GMDS: variants seen among roughly 807,000 people sequenced by gnomAD.
GMDS encodes the protein GDP-mannose 4,6 dehydratase.
In GMDS, 20 loss-of-function variants were observed where a neutral mutation model predicts 49.9. The ratio of observed to expected loss-of-function variants is 0.40; its 90% CI spans 0.28 to 0.58. GMDS has a LOEUF of 0.58. Among genes scored for constraint, GMDS ranks in the 20% least tolerant of loss-of-function variants. The pLI, the probability that GMDS is intolerant of heterozygous loss-of-function variation, is 0.42. For synonymous variants in GMDS, 177 were observed against 178.6 expected (o/e 0.99, Z 0.07); for missense variants, 362 against 481.4 (o/e 0.75, Z 2.32).
chr6:1,883,848 A>G (rs986353279), intron 7 of GMDS, among the ~76,000 whole-genome samples: 1 of 152,236 alleles, frequency 6.6e-6, no homozygotes, highest in African/African-American at 2.4e-5. Context: ...TTGTTTCAGT[A>G]TTAACCAAAT....
At chr6:2,179,917 T>C (rs942339129) in intron 1 of GMDS, among the ~76,000 whole-genome samples, 4 of 151,910 alleles carry the variant, frequency 2.6e-5, no homozygotes, top group Admixed American at 1.3e-4. Context: ...CGTTTAGAAA[T>C]AGAAATGAAA....
intron 4 of GMDS, among the ~76,000 whole-genome samples, chr6:2,105,181 CAAAA>C (rs530164439): frequency 3.9e-4 from 25 of 64,436 alleles, no homozygotes; most frequent in African/African-American, 1.2e-3. Context: ...GACTCCGTCT[CAAAA>C]AAAAAAAAAA....
intron 7 of GMDS, among the ~76,000 whole-genome samples, chr6:1,849,808 A>G (rs985871872): frequency 6.6e-6 from 1 of 152,214 alleles, no homozygotes; most frequent in Middle Eastern, 3.2e-3. Context: ...ATAAAACAGC[A>G]ACACCATCAA....
At chr6:1,741,664 T>A (rs1581533899) in intron 8 of GMDS, among the ~76,000 whole-genome samples, 1 of 151,374 alleles carries the variant, frequency 6.6e-6, no homozygotes, top group Middle Eastern at 3.4e-3. Context: ...ATACAAAAAT[T>A]AGCTGGGCAT....
At position 2,024,616 on chromosome 6, in the gene GMDS, T is replaced by C. The variant is rs568584831; in HGVS notation, c.346-63650A>G. ...AAGTTAACTATAAAAGCAAAAAGAA[T>C]ACAAAGAGAAAGTATAAATTTGTAA... On this transcript the variant is annotated intron_variant, in intron 4 of 10. Transcript: ENST00000380815. Among the ~76,000 whole-genome samples, 21 of 150,638 alleles carry C rather than the reference T, an allele frequency of 1.4e-4. No individual in the cohort carries two copies. In the South Asian group the frequency reaches 4.0e-3, roughly 29 times the overall value.
At chr6:1,793,962 AGGGCT>A (rs1188229832) in intron 7 of GMDS, among the ~76,000 whole-genome samples, 1 of 152,238 alleles carries the variant, frequency 6.6e-6, no homozygotes, top group Non-Finnish European at 1.5e-5. Context: ...AATGATGGAA[AGGGCT>A]TTACACACTT....
chr6:1,747,222 A>G (rs1767534129), intron 7 of GMDS, among the ~76,000 whole-genome samples: 1 of 152,096 alleles, frequency 6.6e-6, no homozygotes, highest in Non-Finnish European at 1.5e-5. Flanking sequence ...GATTCCGTGC[A>G]TGCCTTCTGT....
intron 7 of GMDS, among the ~76,000 whole-genome samples, chr6:1,903,136 C>G (rs1026110051): frequency 5.3e-5 from 8 of 152,140 alleles, no homozygotes; most frequent in Admixed American, 3.9e-4. Context: ...GGAAAGTATA[C>G]ACATTACCAC....
At chr6:1,661,629 T>G (rs1764076828) in intron 9 of GMDS, among the ~76,000 whole-genome samples, 1 of 152,224 alleles carries the variant, frequency 6.6e-6, no homozygotes, top group African/African-American at 2.4e-5. Flanking sequence ...CAAGTGGGAC[T>G]GTGGCTGCAG....
chr6:1,857,672 T>G (rs921141720), intron 7 of GMDS, among the ~76,000 whole-genome samples: 11 of 152,230 alleles, frequency 7.2e-5, no homozygotes, highest in Non-Finnish European at 1.3e-4. Context: ...CTACCTTTTT[T>G]GCATTATCGA....
At chr6:2,131,560 T>C (rs1254281026) in intron 1 of GMDS, among the ~76,000 whole-genome samples, 1 of 152,172 alleles carries the variant, frequency 6.6e-6, no homozygotes, top group Non-Finnish European at 1.5e-5. Flanking sequence ...GATAAACCCA[T>C]AATACATTGA....
intron 4 of GMDS, among the ~76,000 whole-genome samples, chr6:1,980,625 T>C (rs1026589932): frequency 6.6e-6 from 1 of 152,180 alleles, no homozygotes; most frequent in Admixed American, 6.5e-5. Context: ...ACTCCACTGA[T>C]AATATTAGAC....
chr6:1,974,651 G>T (rs1013883741), intron 4 of GMDS, among the ~76,000 whole-genome samples: 1 of 152,124 alleles, frequency 6.6e-6, no homozygotes, highest in Admixed American at 6.5e-5. Context: ...TGCTAAGAAT[G>T]ACTGGCATTC....
At chr6:1,734,872 G>T (rs1766947549) in intron 8 of GMDS, among the ~76,000 whole-genome samples, 1 of 152,182 alleles carries the variant, frequency 6.6e-6, no homozygotes, top group African/African-American at 2.4e-5. Flanking sequence ...AATGATAATG[G>T]TAACAAGAAG....
chr6:2,086,228 C>T (rs1302225587), intron 4 of GMDS, among the ~76,000 whole-genome samples: 1 of 152,210 alleles, frequency 6.6e-6, no homozygotes, highest in Non-Finnish European at 1.5e-5. Context: ...AATTGTGCCT[C>T]CTGAGGCAGT....
At chr6:1,798,805 C>T (rs762128697) in intron 7 of GMDS, among the ~76,000 whole-genome samples, 2 of 152,148 alleles carry the variant, frequency 1.3e-5, no homozygotes, top group African/African-American at 2.4e-5. Context: ...TTGGAGAATA[C>T]GAGACAGCTT....
chr6:2,226,776 G>A (rs974175128), intron 1 of GMDS, among the ~76,000 whole-genome samples: 129 of 152,114 alleles, frequency 8.5e-4, no homozygotes, highest in African/African-American at 3.0e-3. Flanking sequence ...AAATGTCTAT[G>A]ACAATCATAA....
At chr6:2,198,276 G>GATACAT (rs1348763692) in intron 1 of GMDS, among the ~76,000 whole-genome samples, 3 of 152,166 alleles carry the variant, frequency 2.0e-5, no homozygotes, top group African/African-American at 7.2e-5. Flanking sequence ...ACATTATACA[G>GATACAT]ATACATGTAA....
At chr6:2,208,958 AAT>A in intron 1 of GMDS, among the ~76,000 whole-genome samples, 1 of 152,232 alleles carries the variant, frequency 6.6e-6, no homozygotes. Context: ...TAAGAGCAAG[AAT>A]ATTACCAAAC....
Sources: gnomAD v4.1 joint callset for allele counts (sites outside exome capture counted in the v4.1 genomes callset) on GRCh38, gnomAD v4.1.1 for gene constraint, MANE v1.5 for transcripts, NCBI Gene and HGNC (gene_info 2026-07-23, HGNC 2026-07-21) for gene names.